Variants in FAT2 observed in about 807,000 individuals in gnomAD.
The protein encoded by FAT2 is protocadherin Fat 2.
A neutral mutation model predicts 295.3 loss-of-function variants in FAT2; 150 were observed. The ratio of observed to expected loss-of-function variants is 0.51; its 90% CI spans 0.44 to 0.58. FAT2 has a LOEUF of 0.58. Ranked by LOEUF, FAT2 falls within the 20% of genes least tolerant of loss-of-function variation. The pLI, the probability that FAT2 is intolerant of heterozygous loss-of-function variation, is 0.00. For synonymous variants in FAT2, 2,026 were observed against 2,150.3 expected (o/e 0.94, Z 1.60); for missense variants, 4,868 against 5,442.7 (o/e 0.89, Z 3.32).
At chr5:151,506,539 A>G (rs1581260251) in intron 23 of FAT2, among the ~76,000 whole-genome samples, 1 of 152,304 alleles carries the variant, frequency 6.6e-6, no homozygotes, top group Admixed American at 6.5e-5. Flanking sequence ...AAATCAGGAG[A>G]CCAGGAGCCC....
chr5:151,529,447 A>C (rs1754359281), intron 14 of FAT2, 55 bp from the exon 15 acceptor site: 2 of 1,511,908 alleles, frequency 1.3e-6, no homozygotes, highest in Admixed American at 1.7e-5. Flanking sequence ...TCAAAGGCGC[A>C]GGACTGAGGG....
At chr5:151,559,543 C>T (rs28502007) in intron 3 of FAT2, among the ~76,000 whole-genome samples, 6,788 of 151,972 alleles carry the variant, frequency 0.045, 364 homozygotes, top group African/African-American at 0.13. Context: ...CTCTCCTCTC[C>T]CTTTGCTCTC....
At chr5:151,522,565 G>A (rs933657776) in intron 18 of FAT2, among the ~76,000 whole-genome samples, 1 of 152,200 alleles carries the variant, frequency 6.6e-6, no homozygotes, top group Non-Finnish European at 1.5e-5. Flanking sequence ...CTTCTAGTCA[G>A]TCAACGAAGT....
At position 151,556,313 on chromosome 5, in the gene FAT2, C is replaced by G. The variant is rs780795065; in HGVS notation, c.3633+31G>C. Reference sequence around the variant, plus strand: ...CAAGGCCTAACATGGCTCCACAAATCACCACAAATGGATTCACCACCATTA... The same window carrying G: ...CAAGGCCTAACATGGCTCCACAAATGACCACAAATGGATTCACCACCATTA... On this transcript the variant is annotated intron_variant, in intron 4 of 23. Transcript: ENST00000261800. 14 of 1,601,752 alleles carry G rather than the reference C, an allele frequency of 8.7e-6. 2 individuals carry two copies. The South Asian group carries it at 1.5e-4, about 18-fold the overall frequency.
Position 151,517,780 on chromosome 5 carries a change from A to G in FAT2, c.11318-15T>C. 6.2e-7 allele frequency: 1 copy of G among 1,613,788 alleles called. No individual in the cohort carries two copies. Among genetic ancestry groups the G allele is most frequent in the South Asian group, 1.1e-5 (1 of 91,058 alleles). On this transcript the variant is annotated splice_polypyrimidine_tract_variant and intron_variant, in intron 19 of 23. Coordinates refer to ENST00000261800, the MANE Select transcript of FAT2 (RefSeq NM_001447.3). Reference sequence around the variant, plus strand: ...TGTAGCAGTACCTGAGAAAGCAACCAAAGCTGTCACCTCTACTTGAAGTGG... The same window carrying G: ...TGTAGCAGTACCTGAGAAAGCAACCGAAGCTGTCACCTCTACTTGAAGTGG...
chr5:151,540,984 A>G (rs1328522357), intron 10 of FAT2, among the ~76,000 whole-genome samples: 5 of 152,260 alleles, frequency 3.3e-5, no homozygotes, highest in Admixed American at 3.3e-4. Context: ...TGTCAATGCA[A>G]GAAGCATCAC....
At chr5:151,577,965 C>T (rs1758806218) in intron 1 of FAT2, among the ~76,000 whole-genome samples, 1 of 149,322 alleles carries the variant, frequency 6.7e-6, no homozygotes, top group Admixed American at 6.7e-5. Context: ...CTGGGGCTCT[C>T]TGGTAGGAGG....
rs956665496 is a variant in FAT2 at position 151,505,289 on chromosome 5, C to T, written c.*276G>A. The T allele has an allele frequency of 1.2e-5, 6 of 510,320 alleles. No individual in the cohort carries two copies. The highest frequency in any genetic ancestry group is 2.1e-5 in the Non-Finnish European group (6 of 290,612). 31.6% of individuals were successfully genotyped at this position (510,320 alleles called of 1,614,324 possible). ...GAGCCCTCCTGTCTCTCGCCCACCC[C>T]GGGAGTCAATTGTTCCTGGTTTTCC... is the stretch of plus-strand genomic sequence containing the variant. On this transcript the variant is annotated 3_prime_UTR_variant, in exon 24 of 24. Coordinates refer to ENST00000261800, the MANE Select transcript of FAT2 (RefSeq NM_001447.3).
Position 151,509,866 on chromosome 5 carries a change from AG to A in FAT2, c.12059+154del, listed in dbSNP as rs925251026. ...ATGAAACCGGTCCCTGGTGCCAAAA[AG>A]GTTGGGGACCACTGCCCTAACAGAT... On this transcript the variant is annotated intron_variant, in intron 22 of 23. Transcript: ENST00000261800. 9 of 796,984 alleles carry A rather than the reference AG, an allele frequency of 1.1e-5. No individual in the cohort carries two copies. The African/African-American group carries it at 1.5e-4, about 14-fold the overall frequency. The allele number at this position is 796,984 out of a possible 1,614,324, so 49.4% of individuals were successfully genotyped here. A position where few individuals can be genotyped will look rare whatever the true frequency, so the allele number is the denominator to read the frequency against.
chr5:151,574,772 G>A (rs1480105569), intron 1 of FAT2, among the ~76,000 whole-genome samples: 3 of 152,200 alleles, frequency 2.0e-5, no homozygotes, highest in Non-Finnish European at 2.9e-5. Context: ...AAGAAACTTG[G>A]ATGAACATGT....
rs374913289 is a variant in FAT2 at position 151,565,871 on chromosome 5, G to C, written c.3061C>G (p.Leu1021Val). The change falls in exon 2 of 24, where the codon CTG becomes GTG. Residue 1021 changes from leucine to valine, a missense_variant. Physicochemically the swap from Leu to Val is conservative, Grantham distance 32. Coordinates refer to ENST00000261800, the MANE Select transcript of FAT2 (RefSeq NM_001447.3). ...RTLCHVEVIV[L>V]DVNENLHPPH... is the part of the protein sequence containing the mutation. The stretch of plus-strand genomic sequence containing the variant: ...GGGTGGAGATTCTCATTCACATCCA[G>C]GACGATCACCTCCACATGGCAGAGA... 1 of 1,614,016 alleles carries C rather than the reference G, an allele frequency of 6.2e-7. No individual in the cohort carries two copies. Among genetic ancestry groups the C allele is most frequent in the Non-Finnish European group, 8.5e-7 (1 of 1,180,018 alleles).
At chr5:151,523,255 TACA>T (rs1192825016) in intron 18 of FAT2, among the ~76,000 whole-genome samples, 7 of 152,094 alleles carry the variant, frequency 4.6e-5, no homozygotes, top group Non-Finnish European at 7.4e-5. Context: ...TAACATTAGT[TACA>T]ACAATACTAC....
At position 151,566,820 on chromosome 5, in the gene FAT2, T is replaced by A. The variant is rs376386480; in HGVS notation, c.2112A>T (p.Thr704=). 4.3e-6 allele frequency: 7 copies of A among 1,614,222 alleles called. No homozygotes were observed. The highest frequency in any genetic ancestry group is 5.9e-6 in the Non-Finnish European group (7 of 1,180,036). The change falls in exon 2 of 24, where the codon ACA becomes ACT. Residue 704 remains threonine (T), a synonymous_variant. Coordinates refer to ENST00000261800, the MANE Select transcript of FAT2 (RefSeq NM_001447.3). ...GTGGGGTGTAATGATTAATCTGATA[T>A]GTGCTTAAAGAAGTGAATTCCTCAT... The part of the protein sequence containing the change: ...SSDEEFTSLS[T]YQINHYTPQF...
chr5:151,577,897 G>A (rs1758803938), intron 1 of FAT2, among the ~76,000 whole-genome samples: 1 of 152,098 alleles, frequency 6.6e-6, no homozygotes, highest in Non-Finnish European at 1.5e-5. Context: ...GAGGGCCTGG[G>A]GTGGCAGGGA....
Position 151,567,052 on chromosome 5 carries a change from T to A in FAT2, c.1880A>T (p.Asn627Ile). The change falls in exon 2 of 24, where the codon AAT becomes ATT. Residue 627 changes from asparagine (N) to isoleucine (I), a missense_variant. Coordinates refer to ENST00000261800, the MANE Select transcript of FAT2 (RefSeq NM_001447.3). ...GVISLKRPFI[N>I]LTAGQPTSYS... is the part of the protein sequence containing the mutation. The stretch of plus-strand genomic sequence containing the variant: ...ACTGGTGGGTTGACCAGCAGTAAGA[T>A]TGATAAAAGGGCGTTTGAGGGATAT... The A allele has an allele frequency of 8.7e-6, 14 of 1,614,140 alleles. No individual in the cohort carries two copies. Among genetic ancestry groups the A allele is most frequent in the Non-Finnish European group, 1.2e-5 (14 of 1,180,004 alleles).
At chr5:151,526,461 A>G (rs1454580585) in intron 17 of FAT2, among the ~76,000 whole-genome samples, 1 of 152,232 alleles carries the variant, frequency 6.6e-6, no homozygotes, top group Non-Finnish European at 1.5e-5. Flanking sequence ...TTCCCTGAGT[A>G]TCATTTTAGC....
At chr5:151,508,284 T>C (rs1029502285) in intron 22 of FAT2, among the ~76,000 whole-genome samples, 2 of 152,238 alleles carry the variant, frequency 1.3e-5, no homozygotes, top group Non-Finnish European at 2.9e-5. Flanking sequence ...GGGTTAAATG[T>C]TGTTTTCCCC....
chr5:151,517,128 A>G (rs997271414), intron 20 of FAT2, among the ~76,000 whole-genome samples: 1 of 152,128 alleles, frequency 6.6e-6, no homozygotes, highest in Non-Finnish European at 1.5e-5. Flanking sequence ...AAAAGAAAAA[A>G]GAAATGGTAG....
At chr5:151,506,227 G>C in intron 23 of FAT2, 130 bp from the exon 24 acceptor site, 1 of 949,286 alleles carries the variant, frequency 1.1e-6, no homozygotes, top group Non-Finnish European at 1.5e-6. Flanking sequence ...CATCTGTGCA[G>C]GTTGTCTCTG....
Sources: allele counts gnomAD v4.1 joint callset (sites outside exome capture counted in the v4.1 genomes callset), GRCh38; gene constraint gnomAD v4.1.1; transcripts MANE v1.5; gene names NCBI Gene and HGNC (gene_info 2026-07-23, HGNC 2026-07-21).